NCOR1: variants seen among roughly 807,000 people sequenced by gnomAD.
NCOR1 encodes nuclear receptor corepressor 1, also known as protein phosphatase 1, regulatory subunit 109.
In NCOR1, 63 loss-of-function variants were observed where a neutral mutation model predicts 288.1. The observed-to-expected ratio is 0.22, with a 90% confidence interval of 0.18 to 0.27. The LOEUF (loss-of-function observed/expected upper bound fraction) is 0.27, where lower values mean the gene tolerates loss of function less well. NCOR1 is among the 10% of genes least tolerant of loss of function. The probability of loss-of-function intolerance (pLI) is 1.00; values close to 1 mark genes in which losing one functional copy is unlikely to be tolerated. For missense variants in NCOR1, 2,397 were observed against 3,019.2 expected, an observed-to-expected ratio of 0.79 and a Z score of 4.83; for synonymous variants, 1,007 against 1,065.9, an observed-to-expected ratio of 0.94 and a Z score of 1.08.
intron 42 of NCOR1, chr17:16,041,130 G>A (rs1027645845): frequency 1.3e-5 from 2 of 152,168 alleles, no homozygotes; most frequent in African/African-American, 4.8e-5. Context: ...ATGGCTAACT[G>A]GAAACTCAGG....
chr17:16,041,424 C>CTTTTTTTTTTTTTTTTTTTTTT (rs2057575771), intron 42 of NCOR1, among the ~76,000 whole-genome samples: 1 of 46,244 alleles, frequency 2.2e-5, no homozygotes, highest in Non-Finnish European at 5.0e-5. Flanking sequence ...TTTTTTTTTC[C>CTTTTTTTTTTTTTTTTTTTTTT]TTTGAGATGG....
chr17:16,146,409 C>T lies in NCOR1; in HGVS notation c.1049G>A (p.Arg350Gln), dbSNP rs2078010444. 6.2e-7 allele frequency: 1 copy of T among 1,609,396 alleles called. No individual in the cohort carries two copies. ...TCTTTCTTGCTGTTCTCTTTGTTTT[C>T]GAATTTCTGGAAACTGCTTTTCATA... ...EYYEKQFPEI[R>Q]KQREQQERFQ... is the part of the protein sequence containing the mutation. Residue 350 changes from arginine to glutamine, a missense_variant, in exon 10 of 46, where the codon CGA (arginine) becomes CAA (glutamine). Arg to Gln is a conservative substitution (Grantham distance 43). Transcript: ENST00000268712.
At position 16,041,840 on chromosome 17, in the gene NCOR1, C is replaced by T. The variant is rs187655768; in HGVS notation, c.6680-1346G>A. On this transcript the variant is annotated intron_variant, in intron 42 of 45. Coordinates refer to ENST00000268712, the MANE Select transcript of NCOR1 (RefSeq NM_006311.4). ...CAAGCTCTGCCTCCCAGGTTCACGC[C>T]ACTCTCCTGCCTCAGCCCCCCGAGT... 3.3e-3 allele frequency among the ~76,000 whole-genome samples: 497 copies of T among 151,522 alleles called. 2 individuals carry two copies. The highest frequency in any genetic ancestry group is 0.014 in the Middle Eastern group (4 of 292).
rs554088435 is a variant in NCOR1, at chr17:16,052,610, A to G, written c.6393-3622T>C. ...TGCTCTGAAATTGAGTCAGTAATAA[A>G]TAGCCTACCACCCAAAAAAAGCCCA... On this transcript the variant is annotated intron_variant, in intron 40 of 45. Coordinates refer to ENST00000268712, the MANE Select transcript of NCOR1 (RefSeq NM_006311.4). Among the ~76,000 whole-genome samples, 3 of 152,318 alleles carry G rather than the reference A, an allele frequency of 2.0e-5. No homozygotes were observed. In the East Asian group the frequency reaches 5.8e-4, roughly 29 times the overall value.
At position 16,173,695 on chromosome 17, in the gene NCOR1, C is replaced by T. The variant is rs550095987; in HGVS notation, c.243-1700G>A. Among the ~76,000 whole-genome samples, 4 of 152,158 alleles carry T rather than the reference C, an allele frequency of 2.6e-5. No individual in the cohort carries two copies. The South Asian group carries it at 6.2e-4, about 24-fold the overall frequency. On this transcript the variant is annotated intron_variant, in intron 3 of 45. Coordinates refer to ENST00000268712, the MANE Select transcript of NCOR1 (RefSeq NM_006311.4). ...CTGTCATCCCAGCAGTTTGGGAGGC[C>T]GGGGCGTGTGGATCATCTGAGGTCA... is the stretch of plus-strand genomic sequence containing the variant.
intron 2 of NCOR1, among the ~76,000 whole-genome samples, chr17:16,190,500 A>ATTT (rs762563718): frequency 7.2e-6 from 1 of 139,716 alleles, no homozygotes; most frequent in Non-Finnish European, 1.6e-5. Flanking sequence ...ACACCCAGCT[A>ATTT]TTTTTTTTTT....
chr17:16,180,823 T>C (rs1002780975), intron 3 of NCOR1, among the ~76,000 whole-genome samples: 1 of 151,968 alleles, frequency 6.6e-6, no homozygotes, highest in Non-Finnish European at 1.5e-5. Flanking sequence ...ATAGTTCATA[T>C]ATAGAAACAA....
At chr17:16,080,339 T>G (rs996358027) in intron 25 of NCOR1, 69 bp downstream of exon 25, 2 of 1,259,608 alleles carry the variant, frequency 1.6e-6, no homozygotes, top group Non-Finnish European at 2.2e-6. Flanking sequence ...TTAAAATATA[T>G]TAATAACTTA....
intron 16 of NCOR1, 79 bp downstream of exon 16, chr17:16,120,973 T>C (rs2072892304): frequency 4.7e-6 from 6 of 1,287,052 alleles, no homozygotes; most frequent in Middle Eastern, 5.5e-4. Flanking sequence ...ATATTAAAAG[T>C]CCTTTCTACC....
At chr17:16,195,916 A>G (rs2089676444) in intron 1 of NCOR1, among the ~76,000 whole-genome samples, 1 of 152,048 alleles carries the variant, frequency 6.6e-6, no homozygotes, top group African/African-American at 2.4e-5. Context: ...TTTTACATAC[A>G]TATGATAGAG....
intron 37 of NCOR1, among the ~76,000 whole-genome samples, chr17:16,061,026 C>T (rs140177428): frequency 4.6e-5 from 7 of 152,272 alleles, no homozygotes; most frequent in African/African-American, 1.7e-4. Context: ...ATATTAGAGG[C>T]TTTGGGGTAT....
At chr17:16,135,190 T>G (rs2076225542) in intron 14 of NCOR1, among the ~76,000 whole-genome samples, 1 of 147,700 alleles carries the variant, frequency 6.8e-6, no homozygotes, top group African/African-American at 2.5e-5. Context: ...AAACTGTAGC[T>G]GAAACTTGTT....
intron 19 of NCOR1, among the ~76,000 whole-genome samples, chr17:16,104,826 G>C (rs755187219): frequency 6.6e-6 from 1 of 152,070 alleles, no homozygotes; most frequent in African/African-American, 2.4e-5. Context: ...GTGACTAAAC[G>C]ACAAAACTGA....
chr17:16,082,898 T>G (rs1420711790), intron 23 of NCOR1, among the ~76,000 whole-genome samples: 1 of 152,104 alleles, frequency 6.6e-6, no homozygotes, highest in Non-Finnish European at 1.5e-5. Flanking sequence ...ACATCTTCAA[T>G]CTGATGAAAG....
intron 40 of NCOR1, among the ~76,000 whole-genome samples, chr17:16,051,721 G>T (rs571548551): frequency 6.6e-6 from 1 of 152,182 alleles, no homozygotes; most frequent in East Asian, 1.9e-4. Flanking sequence ...AGACCAGTCT[G>T]ACCAACGTGG....
At chr17:16,131,658 G>C (rs556068574) in intron 14 of NCOR1, among the ~76,000 whole-genome samples, 1 of 152,028 alleles carries the variant, frequency 6.6e-6, no homozygotes, top group African/African-American at 2.4e-5. Context: ...AATATACTTC[G>C]GGAAATAAAC....
chr17:16,160,554 G>A (rs1368608770), intron 5 of NCOR1, among the ~76,000 whole-genome samples: 1 of 152,164 alleles, frequency 6.6e-6, no homozygotes, highest in Non-Finnish European at 1.5e-5. Flanking sequence ...CACTTTGGGA[G>A]GCCAAGACGG....
intron 8 of NCOR1, 39 bp from the exon 9 acceptor site, chr17:16,149,556 A>G: frequency 3.7e-6 from 4 of 1,078,864 alleles, no homozygotes; most frequent in Non-Finnish European, 4.0e-6. Context: ...ATTAAGAAAA[A>G]GCACAATTTA....
intron 17 of NCOR1, 28 bp downstream of exon 17, chr17:16,119,395 C>T (rs2072507743): frequency 6.5e-7 from 1 of 1,550,348 alleles, no homozygotes; most frequent in Non-Finnish European, 8.8e-7. Flanking sequence ...AAACAAAAAC[C>T]TGAGAAACCA....
Sources: gnomAD v4.1 joint callset for allele counts (sites outside exome capture counted in the v4.1 genomes callset) on GRCh38, gnomAD v4.1.1 for gene constraint, MANE v1.5 for transcripts, NCBI Gene and HGNC (gene_info 2026-07-23, HGNC 2026-07-21) for gene names.